MCTP2: variants seen among roughly 807,000 people sequenced by gnomAD.
MCTP2 encodes the protein multiple C2 and transmembrane domain-containing protein 2.
MCTP2 carries 132 observed loss-of-function variants against 111.6 expected under a neutral mutation model. The ratio of observed to expected loss-of-function variants is 1.18; its 90% CI spans 1.03 to 1.37. The LOEUF (loss-of-function observed/expected upper bound fraction) is 1.37. Among genes scored for constraint, MCTP2 ranks in the 40% most tolerant of loss-of-function variants. The probability of loss-of-function intolerance (pLI) is 0.00; values close to 1 mark genes in which losing one functional copy is unlikely to be tolerated. For missense variants in MCTP2, 1,183 were observed against 1,067.9 expected (o/e 1.11, Z -1.50); for synonymous variants, 395 against 387.7 (o/e 1.02, Z -0.22).
chr15:94,381,638 GTC>G (rs1332269590), intron 12 of MCTP2, among the ~76,000 whole-genome samples: 3 of 152,198 alleles, frequency 2.0e-5, no homozygotes, highest in Non-Finnish European at 4.4e-5. Context: ...TCATGCTGGC[GTC>G]TCTGGAGGAG....
intron 8 of MCTP2, among the ~76,000 whole-genome samples, chr15:94,350,043 A>G (rs1051069143): frequency 6.6e-6 from 1 of 152,204 alleles, no homozygotes; most frequent in Non-Finnish European, 1.5e-5. Flanking sequence ...TTCTTCAATC[A>G]GCAACTCTGG....
At chr15:94,432,344 C>T (rs542732666) in intron 17 of MCTP2, among the ~76,000 whole-genome samples, 14 of 152,224 alleles carry the variant, frequency 9.2e-5, no homozygotes, top group Middle Eastern at 3.4e-3. Flanking sequence ...ATTCTCTTAA[C>T]GATTTTCTAC....
intron 1 of MCTP2, among the ~76,000 whole-genome samples, chr15:94,285,676 C>G (rs551032346): frequency 6.6e-6 from 1 of 152,282 alleles, no homozygotes; most frequent in Admixed American, 6.5e-5. Flanking sequence ...TGAATGTTTC[C>G]GAAACCCTAG....
At chr15:94,306,261 C>T (rs186444642) in intron 2 of MCTP2, among the ~76,000 whole-genome samples, 1 of 152,074 alleles carries the variant, frequency 6.6e-6, no homozygotes, top group East Asian at 1.9e-4. Flanking sequence ...AAGGTCTTAG[C>T]CCAGTACCTG....
chr15:94,286,364 A>G (rs1196145419), intron 1 of MCTP2, among the ~76,000 whole-genome samples: 1 of 151,938 alleles, frequency 6.6e-6, no homozygotes, highest in Non-Finnish European at 1.5e-5. Context: ...TTTTTCCCTC[A>G]TGTTAAAATG....
Position 94,367,616 on chromosome 15 carries a change from A to G in MCTP2, c.1313A>G (p.Asp438Gly), listed in dbSNP as rs771663131. 30 of 1,610,270 alleles carry G rather than the reference A, an allele frequency of 1.9e-5. No homozygotes were observed. In the South Asian group the frequency reaches 3.0e-4, roughly 16 times the overall value. The change falls in exon 11 of 23, where the codon GAT becomes GGT. Residue 438 changes from aspartate to glycine, a missense_variant. Physicochemically the swap from Asp to Gly is moderately conservative, Grantham distance 94. Coordinates refer to ENST00000357742, the MANE Select transcript of MCTP2 (RefSeq NM_001385001.1). ...TGAAACTTTTCTAGGTGTAAAGTGGATATCTCGGCACTCCCTCTGAAGCAA... is the reference window on the plus strand; with the variant it reads ...TGAAACTTTTCTAGGTGTAAAGTGGGTATCTCGGCACTCCCTCTGAAGCAA... ...HEERLGTCKVDISALPLKQAN... is the reference protein window; with the variant it reads ...HEERLGTCKVGISALPLKQAN...
At chr15:94,377,360 C>G (rs1242620962) in intron 12 of MCTP2, among the ~76,000 whole-genome samples, 2 of 152,188 alleles carry the variant, frequency 1.3e-5, no homozygotes, top group Non-Finnish European at 2.9e-5. Flanking sequence ...CAAATCAAGA[C>G]CAACTTTTGA....
At chr15:94,456,536 A>G (rs1475062843) in intron 19 of MCTP2, among the ~76,000 whole-genome samples, 2 of 152,208 alleles carry the variant, frequency 1.3e-5, no homozygotes, top group East Asian at 3.8e-4. Flanking sequence ...GGTTTTCACC[A>G]TTGTGCCCAT....
At chr15:94,312,681 T>G (rs2076199831) in intron 2 of MCTP2, among the ~76,000 whole-genome samples, 1 of 152,172 alleles carries the variant, frequency 6.6e-6, no homozygotes, top group African/African-American at 2.4e-5. Context: ...AACCGCAGAT[T>G]ACAAGAACCT....
intron 8 of MCTP2, 184 bp from the exon 9 acceptor site, chr15:94,355,953 C>G: frequency 1.6e-6 from 2 of 1,255,984 alleles, no homozygotes; most frequent in Non-Finnish European, 2.0e-6. Flanking sequence ...CACTCCAAAG[C>G]TTGAGAAGGA....
At chr15:94,244,666 A>G (rs2071601942) in intron 1 of MCTP2, among the ~76,000 whole-genome samples, 1 of 148,326 alleles carries the variant, frequency 6.7e-6, no homozygotes, top group African/African-American at 2.5e-5. Context: ...ATACACATAC[A>G]TATCCACCTA....
At chr15:94,245,248 A>C (rs1366995591) in intron 1 of MCTP2, among the ~76,000 whole-genome samples, 1 of 141,518 alleles carries the variant, frequency 7.1e-6, no homozygotes, top group East Asian at 2.2e-4. Flanking sequence ...ATATATACAC[A>C]TATGTATATA....
At chr15:94,333,445 A>C (rs924729838) in intron 4 of MCTP2, among the ~76,000 whole-genome samples, 1 of 140,180 alleles carries the variant, frequency 7.1e-6, no homozygotes, top group Non-Finnish European at 1.5e-5. Flanking sequence ...GAGTTATATC[A>C]AAAAAAAAGC....
chr15:94,293,732 T>C (rs1172385300), intron 1 of MCTP2, among the ~76,000 whole-genome samples: 2 of 152,218 alleles, frequency 1.3e-5, no homozygotes, highest in African/African-American at 2.4e-5. Context: ...CAGTAGGATA[T>C]AGACAACTGG....
chr15:94,427,586 G>A (rs951427744), intron 17 of MCTP2, among the ~76,000 whole-genome samples: 1 of 152,108 alleles, frequency 6.6e-6, no homozygotes, highest in Non-Finnish European at 1.5e-5. Context: ...AGGTTCACCC[G>A]CATGATTTAA....
chr15:94,323,344 A>C (rs144997197), intron 4 of MCTP2, among the ~76,000 whole-genome samples: 1 of 152,170 alleles, frequency 6.6e-6, no homozygotes, highest in Admixed American at 6.5e-5. Flanking sequence ...ACAAAAACCT[A>C]TGGGTAATGA....
chr15:94,469,020 CTTAA>C (rs1037412800), intron 20 of MCTP2, among the ~76,000 whole-genome samples: 1 of 152,200 alleles, frequency 6.6e-6, no homozygotes, highest in African/African-American at 2.4e-5. Flanking sequence ...CTCTGTCAGT[CTTAA>C]TTTGCTCATC....
At chr15:94,431,912 T>A (rs149776600) in intron 17 of MCTP2, among the ~76,000 whole-genome samples, 1 of 152,340 alleles carries the variant, frequency 6.6e-6, no homozygotes, top group Admixed American at 6.5e-5. Flanking sequence ...CACAGTATTC[T>A]GAAAGTGTCT....
intron 2 of MCTP2, among the ~76,000 whole-genome samples, chr15:94,310,933 C>T (rs1223928619): frequency 1.3e-5 from 2 of 151,256 alleles, no homozygotes; most frequent in African/African-American, 4.9e-5. Context: ...CAGAGGGAGA[C>T]CTTGTCTCAA....
Sources: gnomAD v4.1 joint callset for allele counts (sites outside exome capture counted in the v4.1 genomes callset) on GRCh38, gnomAD v4.1.1 for gene constraint, MANE v1.5 for transcripts, NCBI Gene and HGNC (gene_info 2026-07-23, HGNC 2026-07-21) for gene names.